SLC1A2: variants seen among roughly 807,000 people sequenced by gnomAD.
SLC1A2 encodes solute carrier family 1 member 2.
A neutral mutation model predicts 48.8 loss-of-function variants in SLC1A2; 15 were observed. The ratio of observed to expected loss-of-function variants is 0.31; its 90% CI spans 0.21 to 0.47. SLC1A2 has a LOEUF of 0.47. SLC1A2 is among the 20% of genes least tolerant of loss of function. SLC1A2 has a pLI of 0.99. For missense variants in SLC1A2, 502 were observed against 730.5 expected, an observed-to-expected ratio of 0.69 and a Z score of 3.61; for synonymous variants, 279 against 272.6, an observed-to-expected ratio of 1.02 and a Z score of -0.23.
rs1443527388 is a variant in SLC1A2 at position 35,312,189 on chromosome 11, C to T, written c.561+9G>A. 6.2e-7 allele frequency: 1 copy of T among 1,613,692 alleles called. No individual in the cohort carries two copies. Among genetic ancestry groups the T allele is most frequent in the Non-Finnish European group, 8.5e-7 (1 of 1,179,764 alleles). Reference sequence around the variant, plus strand: ...CTGGAGAAGAGAGAACATCTGAACTCTGGGTTACCTGTTGAAAGCAGGCTT... The same window carrying T: ...CTGGAGAAGAGAGAACATCTGAACTTTGGGTTACCTGTTGAAAGCAGGCTT... On this transcript the variant is annotated intron_variant, in intron 4 of 10. Transcript: ENST00000278379.
chr11:35,296,598 C>A (rs1332958827), intron 6 of SLC1A2, among the ~76,000 whole-genome samples: 1 of 152,122 alleles, frequency 6.6e-6, no homozygotes, highest in Admixed American at 6.6e-5. Context: ...CTGCCTCCTG[C>A]CCACCTCTCC....
At chr11:35,318,363 C>G (rs574234182) in intron 1 of SLC1A2, among the ~76,000 whole-genome samples, 1 of 152,246 alleles carries the variant, frequency 6.6e-6, no homozygotes, top group South Asian at 2.1e-4. Flanking sequence ...TGGGGATTGC[C>G]ATAGGGAGGC....
At chr11:35,287,691 C>T (rs1235252618) in intron 7 of SLC1A2, among the ~76,000 whole-genome samples, 1 of 152,184 alleles carries the variant, frequency 6.6e-6, no homozygotes, top group Admixed American at 6.5e-5. Context: ...GATTCGTGAC[C>T]ACATGACCAA....
chr11:35,324,381 T>C (rs1184443932), intron 1 of SLC1A2, among the ~76,000 whole-genome samples: 1 of 152,246 alleles, frequency 6.6e-6, no homozygotes, highest in Non-Finnish European at 1.5e-5. Flanking sequence ...AAAATGTCTC[T>C]TTTCTGGCAG....
At chr11:35,366,961 A>G (rs1195630527) in intron 1 of SLC1A2, among the ~76,000 whole-genome samples, 10 of 152,218 alleles carry the variant, frequency 6.6e-5, no homozygotes, top group Non-Finnish European at 1.2e-4. Context: ...AGTGGTTGTT[A>G]TTGAAGCAGA....
chr11:35,328,333 T>C (rs1473535882), intron 1 of SLC1A2, among the ~76,000 whole-genome samples: 2 of 152,142 alleles, frequency 1.3e-5, no homozygotes, highest in African/African-American at 2.4e-5. Flanking sequence ...TAACTGGTAA[T>C]AATAAGAATA....
chr11:35,303,971 G>T (rs1261144592), intron 5 of SLC1A2, among the ~76,000 whole-genome samples: 1 of 152,170 alleles, frequency 6.6e-6, no homozygotes, highest in Non-Finnish European at 1.5e-5. Context: ...CCTTATTTCA[G>T]CCATGATTTG....
At chr11:35,301,240 C>A (rs571416913) in intron 6 of SLC1A2, among the ~76,000 whole-genome samples, 2 of 152,238 alleles carry the variant, frequency 1.3e-5, no homozygotes, top group African/African-American at 2.4e-5. Flanking sequence ...TTATGGCAAC[C>A]CAACTAAGAC....
At chr11:35,388,367 A>G in intron 1 of SLC1A2, among the ~76,000 whole-genome samples, 1 of 152,114 alleles carries the variant, frequency 6.6e-6, no homozygotes, top group African/African-American at 2.4e-5. Context: ...TTTTTATAGC[A>G]TTCGAAATAA....
At chr11:35,314,983 T>C (rs1338177829) in intron 3 of SLC1A2, 40 bp downstream of exon 3, 2 of 1,502,708 alleles carry the variant, frequency 1.3e-6, no homozygotes, top group Non-Finnish European at 1.9e-6. Context: ...AGGGCAGGAG[T>C]ATGACCCATG....
At chr11:35,411,384 G>A (rs370359706) in intron 1 of SLC1A2, among the ~76,000 whole-genome samples, 8 of 152,190 alleles carry the variant, frequency 5.3e-5, no homozygotes, top group South Asian at 2.1e-4. Context: ...ATTGGGTTTT[G>A]TTCATGTTGA....
rs765341628 is a variant in SLC1A2 at position 35,294,002 on chromosome 11, T to A, written c.858-1482A>T. On this transcript the variant is annotated intron_variant, in intron 6 of 10. Coordinates refer to ENST00000278379, the MANE Select transcript of SLC1A2 (RefSeq NM_004171.4). ...AAATTTTTGAGCATGCATATATGTG[T>A]GCTGCTAAAAACCCCTCTCGCATCT... is the stretch of plus-strand genomic sequence containing the variant. 7.1e-4 allele frequency among the ~76,000 whole-genome samples: 108 copies of A among 152,300 alleles called. 2 individuals carry two copies. Among genetic ancestry groups the A allele is most frequent in the Middle Eastern group, 3.4e-3 (1 of 294 alleles).
intron 3 of SLC1A2, among the ~76,000 whole-genome samples, chr11:35,314,065 T>G (rs1364129021): frequency 6.6e-6 from 1 of 152,208 alleles, no homozygotes; most frequent in Non-Finnish European, 1.5e-5. Context: ...AGCAATATTA[T>G]TTGGTAAGGA....
At chr11:35,273,006 G>C (rs1031452295) in intron 9 of SLC1A2, among the ~76,000 whole-genome samples, 3 of 152,190 alleles carry the variant, frequency 2.0e-5, no homozygotes, top group African/African-American at 7.2e-5. Flanking sequence ...GGAACTCCTG[G>C]TTCACAGAGA....
chr11:35,403,053 C>T (rs1855181709), intron 1 of SLC1A2, among the ~76,000 whole-genome samples: 1 of 152,188 alleles, frequency 6.6e-6, no homozygotes. Flanking sequence ...CTAAGCTCAA[C>T]AGACTAAAAG....
Position 35,260,791 on chromosome 11 carries a change from A to C in SLC1A2, c.*103T>G, listed in dbSNP as rs1354048334. ...GGCTAACAGATTAAGTAAACATAGA[A>C]ATATACGCATTTTTTTCCTTTTTAA... On this transcript the variant is annotated 3_prime_UTR_variant, in exon 11 of 11. Coordinates refer to ENST00000278379, the MANE Select transcript of SLC1A2 (RefSeq NM_004171.4). 4 of 851,754 alleles carry C rather than the reference A, an allele frequency of 4.7e-6. No homozygotes were observed. The highest frequency in any genetic ancestry group is 7.9e-6 in the Non-Finnish European group (4 of 503,878). 52.8% of individuals were successfully genotyped at this position (851,754 alleles called of 1,614,324 possible).
intron 1 of SLC1A2, among the ~76,000 whole-genome samples, chr11:35,403,141 G>A (rs1270889393): frequency 1.3e-5 from 2 of 152,136 alleles, no homozygotes; most frequent in Non-Finnish European, 2.9e-5. Context: ...GCACTATGCC[G>A]AACGCTTCAC....
At chr11:35,382,961 A>G (rs747242866) in intron 1 of SLC1A2, among the ~76,000 whole-genome samples, 18 of 152,212 alleles carry the variant, frequency 1.2e-4, no homozygotes, top group Non-Finnish European at 1.9e-4. Context: ...GCACGCTCCA[A>G]AAGTTAAAAG....
chr11:35,290,254 T>C (rs920800848), intron 7 of SLC1A2, among the ~76,000 whole-genome samples: 2 of 152,214 alleles, frequency 1.3e-5, no homozygotes, highest in Non-Finnish European at 2.9e-5. Flanking sequence ...CAGAGATGTA[T>C]TTGTAAGGAT....
Sources: gnomAD v4.1 joint callset for allele counts (sites outside exome capture counted in the v4.1 genomes callset) on GRCh38, gnomAD v4.1.1 for gene constraint, MANE v1.5 for transcripts, NCBI Gene and HGNC (gene_info 2026-07-23, HGNC 2026-07-21) for gene names.